ZCCHC2: variants seen among roughly 807,000 people sequenced by gnomAD.
ZCCHC2 encodes zinc finger CCHC-type containing 2.
Under a neutral mutation model 103.6 loss-of-function variants are expected in ZCCHC2, and 39 were observed. The ratio of observed to expected loss-of-function variants is 0.38; its 90% confidence interval spans 0.29 to 0.49. ZCCHC2 has a LOEUF of 0.49. Among genes scored for constraint, ZCCHC2 ranks in the 20% least tolerant of loss-of-function variants. The pLI is 0.96. For missense variants in ZCCHC2, 1,483 were observed against 1,491.0 expected (o/e 0.99, Z 0.09); for synonymous variants, 687 against 608.9 (o/e 1.13, Z -1.89).
intron 10 of ZCCHC2, 105 bp from the exon 11 acceptor site, chr18:62,564,897 C>A: frequency 3.6e-6 from 3 of 836,116 alleles, no homozygotes; most frequent in South Asian, 2.0e-5. Flanking sequence ...TTATTCCTTA[C>A]TAAAAAAATT....
intron 3 of ZCCHC2, 31 bp from the exon 4 acceptor site, chr18:62,544,771 C>T: frequency 6.6e-7 from 1 of 1,516,070 alleles, no homozygotes; most frequent in Non-Finnish European, 8.8e-7. Flanking sequence ...TAGGGAATAA[C>T]CATATAATAT....
chr18:62,576,420 T>TG, intron 13 of ZCCHC2, 92 bp from the exon 14 acceptor site: 1 of 1,106,840 alleles, frequency 9.0e-7, no homozygotes, highest in South Asian at 1.3e-5. Flanking sequence ...AGGTGCCTTG[T>TG]GGAGAGCATG....
At chr18:62,539,653 T>C (rs1915087065) in intron 1 of ZCCHC2, 28 bp from the exon 2 acceptor site, 4 of 1,535,770 alleles carry the variant, frequency 2.6e-6, no homozygotes, top group Non-Finnish European at 3.5e-6. Flanking sequence ...ATGGTTTAAG[T>C]TAACGTATCT....
chr18:62,574,757 C>T lies in ZCCHC2; in HGVS notation c.2676C>T (p.Val892=), dbSNP rs922682939. Residue 892 remains valine, a synonymous_variant, in exon 13 of 14, where the codon GTC becomes GTT. Coordinates refer to ENST00000269499, the MANE Select transcript of ZCCHC2 (RefSeq NM_017742.6). ...VPQIEGNTGT[V]PQPTNVKVVL... is the part of the protein sequence containing the mutation. ...AAATTGAGGGAAACACAGGGACAGT[C>T]CCTCAGCCTACCAATGTGAAGGTAG... 1.2e-6 allele frequency: 2 copies of T among 1,614,010 alleles called. No individual in the cohort carries two copies. Among genetic ancestry groups the T allele is most frequent in the Non-Finnish European group, 1.7e-6 (2 of 1,179,898 alleles).
At position 62,576,717 on chromosome 18, in the gene ZCCHC2, T is replaced by C. The variant is rs1352890005; in HGVS notation, c.*138T>C. On this transcript the variant is annotated 3_prime_UTR_variant, in exon 14 of 14. Coordinates refer to ENST00000269499, the MANE Select transcript of ZCCHC2 (RefSeq NM_017742.6). Reference sequence around the variant, plus strand: ...TGCAGTTGGGATTTTTCATTTCTCTTGTACCAATGTCCAAAACAAGAAAGA... The same window carrying C: ...TGCAGTTGGGATTTTTCATTTCTCTCGTACCAATGTCCAAAACAAGAAAGA... 19 of 779,036 alleles carry C rather than the reference T, an allele frequency of 2.4e-5. No homozygotes were observed. Among genetic ancestry groups the C allele is most frequent in the Non-Finnish European group, 3.7e-5 (18 of 491,154 alleles). The allele number at this position is 779,036 out of a possible 1,614,324, so 48.3% of individuals were successfully genotyped here.
chr18:62,525,615 T>G (rs1409269390), intron 1 of ZCCHC2: 1 of 152,214 alleles, frequency 6.6e-6, no homozygotes, highest in Non-Finnish European at 1.5e-5. Flanking sequence ...GATTTGGGGC[T>G]GGAAGGAATT....
chr18:62,547,149 AC>A (rs1915448424), intron 4 of ZCCHC2, among the ~76,000 whole-genome samples: 1 of 151,924 alleles, frequency 6.6e-6, no homozygotes, highest in Non-Finnish European at 1.5e-5. Flanking sequence ...ACATGGTGAA[AC>A]CCCATGTCTA....
intron 12 of ZCCHC2, among the ~76,000 whole-genome samples, chr18:62,570,999 AG>A (rs564323532): frequency 3.9e-5 from 6 of 152,190 alleles, no homozygotes; most frequent in Non-Finnish European, 8.8e-5. Flanking sequence ...AAAACGTTTT[AG>A]GTTCCCAGGA....
chr18:62,576,084 G>C (rs1175875239), intron 13 of ZCCHC2, among the ~76,000 whole-genome samples: 6 of 150,640 alleles, frequency 4.0e-5, no homozygotes, highest in Non-Finnish European at 8.8e-5. Flanking sequence ...AAATAGTTCA[G>C]TACTATTTTG....
Position 62,574,462 on chromosome 18 carries a change from C to G in ZCCHC2, c.2381C>G (p.Pro794Arg), listed in dbSNP as rs1319062651. Residue 794 changes from proline to arginine, a missense_variant, in exon 13 of 14, where the codon CCT becomes CGT. Physicochemically the swap from Pro to Arg is moderately radical, Grantham distance 103 (BLOSUM62 -2). Coordinates refer to ENST00000269499, the MANE Select transcript of ZCCHC2 (RefSeq NM_017742.6). Reference protein sequence around the residue: ...KHLELLASPLPIPSTFLPHSS... With the variant: ...KHLELLASPLRIPSTFLPHSS... ...CTTGAGTTACTGGCTTCCCCTTTAC[C>G]TATTCCATCAACCTTCCTTCCACAC... 3 of 1,613,860 alleles carry G rather than the reference C, an allele frequency of 1.9e-6. No individual in the cohort carries two copies. The highest frequency in any genetic ancestry group is 8.5e-7 in the Non-Finnish European group (1 of 1,179,894).
Position 62,523,376 on chromosome 18 carries a change from G to GCGGGGGC in ZCCHC2, c.-48_-47insGGGGGCC. On this transcript the variant is annotated 5_prime_UTR_variant, in exon 1 of 14. Coordinates refer to ENST00000269499, the MANE Select transcript of ZCCHC2 (RefSeq NM_017742.6). ...GCCTCGGCCCGTGCTCCACCTCGCG[G>GCGGGGGC]CCCCTCCCGCCCGCCCCCGCTCGCA... 3.0e-6 allele frequency: 3 copies of GCGGGGGC among 1,012,350 alleles called. No individual in the cohort carries two copies. Among genetic ancestry groups the GCGGGGGC allele is most frequent in the Non-Finnish European group, 3.5e-6 (3 of 848,988 alleles). 62.7% of individuals were successfully genotyped at this position (1,012,350 alleles called of 1,614,324 possible). A position where few individuals can be genotyped will look rare whatever the true frequency, so the allele number is the denominator to read the frequency against.
At chr18:62,562,125 T>G (rs1190278032) in intron 8 of ZCCHC2, among the ~76,000 whole-genome samples, 1 of 152,100 alleles carries the variant, frequency 6.6e-6, no homozygotes, top group Non-Finnish European at 1.5e-5. Flanking sequence ...GCCTCCCAAG[T>G]AGCTGGAACT....
At position 62,570,298 on chromosome 18, in the gene ZCCHC2, T is replaced by C. The variant is rs375712639; in HGVS notation, c.1975+67T>C. 4.5e-6 allele frequency: 7 copies of C among 1,551,124 alleles called. No homozygotes were observed. In the African/African-American group the frequency reaches 6.8e-5, roughly 15 times the overall value. Reference sequence around the variant, plus strand: ...TGGGGAAGTGGAGGGAAATGTGTGTTGTTTCTTCATGTCAAAGTCAAACAA... The same window carrying C: ...TGGGGAAGTGGAGGGAAATGTGTGTCGTTTCTTCATGTCAAAGTCAAACAA... On this transcript the variant is annotated intron_variant, in intron 12 of 13. Coordinates refer to ENST00000269499, the MANE Select transcript of ZCCHC2 (RefSeq NM_017742.6).
Position 62,574,837 on chromosome 18 carries a change from C to G in ZCCHC2, c.2756C>G (p.Pro919Arg). 6.2e-7 allele frequency: 1 copy of G among 1,613,988 alleles called. No homozygotes were observed. Among genetic ancestry groups the G allele is most frequent in the South Asian group, 1.1e-5 (1 of 91,090 alleles). The change falls in exon 13 of 14, where the codon CCA (proline) becomes CGA (arginine). Residue 919 changes from proline to arginine, a missense_variant. Physicochemically the swap from Pro to Arg is moderately radical, Grantham distance 103 (BLOSUM62 -2). Transcript: ENST00000269499. ...CAGCCACCAGCTTCCTACCCCTTAC[C>G]AGGCTCTCCCCTTGCTGCCGGCGTG... is the stretch of plus-strand genomic sequence containing the variant. ...AAQPPASYPL[P>R]GSPLAAGVLP... is the part of the protein sequence containing the mutation.
In ZCCHC2 at chr18:62,576,776, C is replaced by T; in HGVS notation, c.*197C>T. On this transcript the variant is annotated 3_prime_UTR_variant, in exon 14 of 14. Coordinates refer to ENST00000269499, the MANE Select transcript of ZCCHC2 (RefSeq NM_017742.6). ...CTTTTGAGCCTCTGGTCTCCTGGTT[C>T]AACAACAGGCTTATATGTATGATAC... The T allele has an allele frequency of 1.9e-6, 1 of 517,488 alleles. No individual in the cohort carries two copies. 32.1% of individuals were successfully genotyped at this position (517,488 alleles called of 1,614,324 possible).
At chr18:62,530,450 T>C (rs981810304) in intron 1 of ZCCHC2, among the ~76,000 whole-genome samples, 1 of 152,236 alleles carries the variant, frequency 6.6e-6, no homozygotes, top group African/African-American at 2.4e-5. Context: ...GCATTCTTTC[T>C]TGAGATTAGT....
At chr18:62,576,294 G>A (rs534965001) in intron 13 of ZCCHC2, among the ~76,000 whole-genome samples, 2 of 152,264 alleles carry the variant, frequency 1.3e-5, no homozygotes, top group East Asian at 1.9e-4. Flanking sequence ...TATTTACTTG[G>A]CATTCTTAAA....
rs1052043998 is a variant in ZCCHC2, at chr18:62,542,610, C to G, written c.1128+36C>G. 4 of 1,514,196 alleles carry G rather than the reference C, an allele frequency of 2.6e-6. No homozygotes were observed. The Admixed American group carries it at 8.0e-5, about 30-fold the overall frequency. 93.8% of individuals were successfully genotyped at this position (1,514,196 alleles called of 1,614,324 possible). On this transcript the variant is annotated intron_variant, in intron 3 of 13. Coordinates refer to ENST00000269499, the MANE Select transcript of ZCCHC2 (RefSeq NM_017742.6). ...TTCCCCACAAAAGATACCTCACGTG[C>G]TGTGCTCAATGATCTTTGGGAAAAC...
At chr18:62,545,737 T>C (rs1434260731) in intron 4 of ZCCHC2, among the ~76,000 whole-genome samples, 1 of 152,220 alleles carries the variant, frequency 6.6e-6, no homozygotes, top group Non-Finnish European at 1.5e-5. Flanking sequence ...CATTCCCAAC[T>C]GACTTACTAA....
Sources: gnomAD v4.1 joint callset for allele counts (sites outside exome capture counted in the v4.1 genomes callset) on GRCh38, gnomAD v4.1.1 for gene constraint, MANE v1.5 for transcripts, NCBI Gene and HGNC (gene_info 2026-07-23, HGNC 2026-07-21) for gene names.